LITAF: variants seen among roughly 807,000 people sequenced by gnomAD.
LITAF encodes the protein lipopolysaccharide-induced tumor necrosis factor-alpha factor.
A neutral mutation model predicts 14.5 loss-of-function variants in LITAF; 9 were observed. The ratio of observed to expected loss-of-function variants is 0.62; its 90% CI spans 0.37 to 1.08. The LOEUF (loss-of-function observed/expected upper bound fraction) is 1.08, where lower values mean the gene tolerates loss of function less well. Ranked by LOEUF, LITAF falls within the 50% of genes least tolerant of loss-of-function variation. LITAF has a pLI of 0.01. For missense variants in LITAF, 206 were observed against 213.4 expected (o/e 0.97, Z 0.22); for synonymous variants, 98 against 88.2 (o/e 1.11, Z -0.62).
At chr16:11,555,208 T>C (rs571289224) in intron 2 of LITAF, among the ~76,000 whole-genome samples, 2 of 152,238 alleles carry the variant, frequency 1.3e-5, no homozygotes, top group South Asian at 4.2e-4. Context: ...AATTTTATTT[T>C]CATAGAGACA....
chr16:11,575,510 G>A (rs915303487), intron 1 of LITAF: 7 of 152,212 alleles, frequency 4.6e-5, no homozygotes, highest in Non-Finnish European at 2.9e-5. Context: ...GTTTATGGGG[G>A]ACCCCACCAA....
Position 11,556,643 on chromosome 16 carries a change from T to A in LITAF, c.88A>T (p.Asn30Tyr), listed in dbSNP as rs368574479. ...PPSYEETVAV[N>Y]SYYPTPPAPM... ...GCTGGAGGTGTGGGGTAATAACTGTTAACAGCCACTGTCTCTTCATAGGAT... is the reference window on the plus strand; with the variant it reads ...GCTGGAGGTGTGGGGTAATAACTGTAAACAGCCACTGTCTCTTCATAGGAT... The change falls in exon 2 of 4, where the codon AAC becomes TAC. Residue 30 changes from asparagine (N) to tyrosine (Y), a missense_variant. By Grantham distance (143) the Asn-to-Tyr change is moderately radical (BLOSUM62 -2). Coordinates refer to ENST00000622633, the MANE Select transcript of LITAF (RefSeq NM_001136472.2). 10 of 1,614,056 alleles carry A rather than the reference T, an allele frequency of 6.2e-6. No individual in the cohort carries two copies. In the East Asian group the frequency reaches 6.7e-5, roughly 11 times the overall value.
upstream of LITAF, among the ~76,000 whole-genome samples, chr16:11,588,414 G>A (rs1225084325): frequency 6.6e-6 from 1 of 151,748 alleles, no homozygotes; most frequent in African/African-American, 2.4e-5. Flanking sequence ...GAGGTGGGAG[G>A]ATTCCTTGAC....
At chr16:11,555,709 T>A (rs2064258049) in intron 2 of LITAF, among the ~76,000 whole-genome samples, 1 of 151,160 alleles carries the variant, frequency 6.6e-6, no homozygotes. Context: ...GATCACAGGA[T>A]GGTCTAAGAA....
intron 1 of LITAF, among the ~76,000 whole-genome samples, chr16:11,569,759 G>A (rs1018177296): frequency 1.9e-4 from 29 of 152,320 alleles, no homozygotes; most frequent in Admixed American, 1.8e-3. Flanking sequence ...GGGGCCAAGC[G>A]TGGTGGCTCA....
chr16:11,586,709 G>A lies in LITAF; in HGVS notation c.-6+177C>T, dbSNP rs905591148. ...TGGGAGGCCGGACCCCGCCCCGGCC[G>A]GGCCCCCACGCCCTCCGCCGCGCCT... On this transcript the variant is annotated intron_variant, in intron 1 of 3. Transcript: ENST00000622633. The surrounding 1 kb of genome is among the most constrained non-coding windows in gnomAD (Gnocchi z 6.5). 2.0e-5 allele frequency among the ~76,000 whole-genome samples: 3 copies of A among 151,392 alleles called. No homozygotes were observed. Among genetic ancestry groups the A allele is most frequent in the Non-Finnish European group, 3.0e-5 (2 of 67,752 alleles).
intron 3 of LITAF, among the ~76,000 whole-genome samples, chr16:11,627,016 T>C (rs1225989169): frequency 6.6e-6 from 1 of 152,042 alleles, no homozygotes; most frequent in African/African-American, 2.4e-5. Flanking sequence ...CTAAACAAGC[T>C]TCTTCCAGTC....
intron 1 of LITAF, among the ~76,000 whole-genome samples, chr16:11,569,566 C>T (rs528886457): frequency 5.4e-4 from 82 of 152,146 alleles, no homozygotes; most frequent in African/African-American, 1.9e-3. Context: ...TCTGTGTGTC[C>T]CCCTGTTATT....
At chr16:11,599,931 C>T (rs1485217614), upstream of LITAF, among the ~76,000 whole-genome samples, 4 of 152,098 alleles carry the variant, frequency 2.6e-5, no homozygotes, top group African/African-American at 4.8e-5. Context: ...CTCCCCTTCC[C>T]GACCCTCATG....
rs2064150703 is a variant in LITAF at position 11,549,422 on chromosome 16, A to T, written c.*215T>A. The T allele has an allele frequency of 1.6e-6, 1 of 607,920 alleles. No homozygotes were observed. The highest frequency in any genetic ancestry group is 3.1e-6 in the Non-Finnish European group (1 of 324,276). The allele number at this position is 607,920 out of a possible 1,614,324, so 37.7% of individuals were successfully genotyped here. A position where few individuals can be genotyped will look rare whatever the true frequency, so the allele number is the denominator to read the frequency against. ...ACCGTGGAACTGACACTCAAGGGGA[A>T]TGTCTTTGCAAGTCCTATGCACGAC... On this transcript the variant is annotated 3_prime_UTR_variant, in exon 4 of 4. Coordinates refer to ENST00000622633, the MANE Select transcript of LITAF (RefSeq NM_001136472.2). This position sits in a 1 kb window ranked among gnomAD's most constrained non-coding sequence, Gnocchi z 4.6.
chr16:11,617,045 C>A (rs1262956865), intron 3 of LITAF, among the ~76,000 whole-genome samples: 1 of 151,632 alleles, frequency 6.6e-6, no homozygotes, highest in African/African-American at 2.4e-5. Flanking sequence ...CATGGTGAAA[C>A]CCCATCTCTA....
chr16:11,638,735 A>C (rs944255258), upstream of LITAF, among the ~76,000 whole-genome samples: 6 of 136,280 alleles, frequency 4.4e-5, no homozygotes, highest in Admixed American at 1.5e-4. Flanking sequence ...AAAAAAAAAA[A>C]AAAAAACCCT....
intron 1 of LITAF, among the ~76,000 whole-genome samples, chr16:11,573,462 T>A (rs1054966348): frequency 1.3e-5 from 2 of 152,218 alleles, no homozygotes; most frequent in Admixed American, 1.3e-4. Context: ...GTGGCTGAAA[T>A]GACAAAATGA....
At chr16:11,599,431 C>T (rs1350039208), upstream of LITAF, among the ~76,000 whole-genome samples, 1 of 152,072 alleles carries the variant, frequency 6.6e-6, no homozygotes, top group African/African-American at 2.4e-5. Flanking sequence ...GATGGTGTTG[C>T]TATTGACTTT....
intron 1 of LITAF, among the ~76,000 whole-genome samples, chr16:11,563,305 C>T (rs548441160): frequency 2.0e-5 from 3 of 151,956 alleles, no homozygotes; most frequent in African/African-American, 4.8e-5. Context: ...CCTGCCAACA[C>T]GCCCAGCTAA....
chr16:11,555,667 A>G (rs1567236760), intron 2 of LITAF, among the ~76,000 whole-genome samples: 1 of 151,966 alleles, frequency 6.6e-6, no homozygotes, highest in African/African-American at 2.4e-5. Flanking sequence ...TCAAAAAAAA[A>G]AAAAAAGAAA....
intron 1 of LITAF, among the ~76,000 whole-genome samples, chr16:11,597,056 C>T (rs1280903858): frequency 6.6e-6 from 1 of 152,144 alleles, no homozygotes; most frequent in African/African-American, 2.4e-5. Flanking sequence ...CCAGGTCTGG[C>T]TGATTCGTGA....
chr16:11,611,573 G>A lies in LITAF; in HGVS notation c.85+21960C>T, dbSNP rs539040838. Among the ~76,000 whole-genome samples, 3 of 152,132 alleles carry A rather than the reference G, an allele frequency of 2.0e-5. No homozygotes were observed. In the East Asian group the frequency reaches 5.8e-4, roughly 29 times the overall value. On this transcript the variant is annotated intron_variant, in intron 3 of 3. Transcript: ENST00000574848. ...TACTTTTTACCACCTACTATTGCCT[G>A]GAAATGGCTACTAAATTGCAGCCAA...
chr16:11,562,675 T>C (rs980614889), intron 1 of LITAF, among the ~76,000 whole-genome samples: 7 of 152,192 alleles, frequency 4.6e-5, no homozygotes, highest in African/African-American at 1.7e-4. Flanking sequence ...CGTGGGCAGA[T>C]CACTTGAGCC....
Sources: gnomAD v4.1 joint callset for allele counts (sites outside exome capture counted in the v4.1 genomes callset) on GRCh38, gnomAD v4.1.1 for gene constraint, Gnocchi (gnomAD v3.1) non-coding constraint, MANE v1.5 for transcripts, NCBI Gene and HGNC (gene_info 2026-07-23, HGNC 2026-07-21) for gene names.